BRAF: variants seen among roughly 807,000 people sequenced by gnomAD.
BRAF encodes serine/threonine-protein kinase B-raf.
In BRAF, 16 loss-of-function variants were observed where a neutral mutation model predicts 104.6. That is an observed-to-expected ratio of 0.15 (90% confidence interval 0.10 to 0.23). BRAF has a LOEUF of 0.23. Among genes scored for constraint, BRAF ranks in the 10% least tolerant of loss-of-function variants. BRAF has a pLI of 1.00. For synonymous variants in BRAF, 310 were observed against 341.6 expected, an observed-to-expected ratio of 0.91 and a Z score of 1.02; for missense variants, 541 against 937.3, an observed-to-expected ratio of 0.58 and a Z score of 5.52.
intron 18 of BRAF, among the ~76,000 whole-genome samples, chr7:140,737,877 T>C (rs1258381911): frequency 2.0e-5 from 3 of 152,240 alleles, no homozygotes; most frequent in East Asian, 3.8e-4. Context: ...ACTTCAGTTT[T>C]TGAAACCATG....
chr7:140,838,235 T>C (rs1326939846), intron 2 of BRAF, among the ~76,000 whole-genome samples: 1 of 152,236 alleles, frequency 6.6e-6, no homozygotes, highest in Admixed American at 6.5e-5. Flanking sequence ...ATCCTTTCTC[T>C]TTATCTCCTT....
At chr7:140,916,910 C>G (rs1817691592) in intron 1 of BRAF, among the ~76,000 whole-genome samples, 1 of 152,140 alleles carries the variant, frequency 6.6e-6, no homozygotes, top group South Asian at 2.1e-4. Context: ...ATAAAGCTAT[C>G]ATAACTAAGG....
At chr7:140,873,399 A>G (rs1426978098) in intron 1 of BRAF, among the ~76,000 whole-genome samples, 1 of 151,944 alleles carries the variant, frequency 6.6e-6, no homozygotes, top group Non-Finnish European at 1.5e-5. Flanking sequence ...TGAACTCCAG[A>G]CCTCAGGTGA....
intron 16 of BRAF, among the ~76,000 whole-genome samples, chr7:140,749,877 G>A (rs547794924): frequency 6.6e-6 from 1 of 152,226 alleles, no homozygotes; most frequent in South Asian, 2.1e-4. Flanking sequence ...TCTCATCTGA[G>A]GACACCTTAG....
At chr7:140,769,803 G>A (rs1015245423) in intron 14 of BRAF, among the ~76,000 whole-genome samples, 2 of 152,000 alleles carry the variant, frequency 1.3e-5, no homozygotes, top group South Asian at 2.1e-4. Context: ...TCAAACTCCC[G>A]GCCTCAAGTG....
chr7:140,862,404 A>G (rs1362578745), intron 1 of BRAF, among the ~76,000 whole-genome samples: 1 of 152,198 alleles, frequency 6.6e-6, no homozygotes, highest in African/African-American at 2.4e-5. Context: ...ATGTTTGGGA[A>G]GTTCAAAATA....
intron 17 of BRAF, among the ~76,000 whole-genome samples, chr7:140,746,247 A>C (rs1447792692): frequency 1.3e-5 from 2 of 152,226 alleles, no homozygotes; most frequent in East Asian, 3.8e-4. Flanking sequence ...AAGGAACGAA[A>C]GCCATAAAGG....
At chr7:140,853,376 CA>C (rs1809411275) in intron 1 of BRAF, among the ~76,000 whole-genome samples, 1 of 152,086 alleles carries the variant, frequency 6.6e-6, no homozygotes, top group Non-Finnish European at 1.5e-5. Flanking sequence ...ATCTCAAAAA[CA>C]AAACTATAAC....
At chr7:140,749,198 C>A (rs904122221) in intron 17 of BRAF, 89 bp downstream of exon 16, 2 of 1,558,878 alleles carry the variant, frequency 1.3e-6, no homozygotes, top group South Asian at 1.1e-5. Context: ...CTATCCTTCA[C>A]GCTTACCCAG....
intron 1 of BRAF, among the ~76,000 whole-genome samples, chr7:140,852,557 G>A (rs1325198143): frequency 6.6e-6 from 1 of 152,110 alleles, no homozygotes; most frequent in African/African-American, 2.4e-5. Context: ...GTATTTCAAT[G>A]TTTTCTTTCA....
chr7:140,771,379 A>G (rs1799831958), intron 14 of BRAF, among the ~76,000 whole-genome samples: 1 of 151,302 alleles, frequency 6.6e-6, no homozygotes, highest in South Asian at 2.1e-4. Flanking sequence ...TATTTTTTGT[A>G]GAGACGGGGT....
intron 1 of BRAF, among the ~76,000 whole-genome samples, chr7:140,865,179 A>T (rs1810822349): frequency 6.6e-6 from 1 of 151,900 alleles, no homozygotes; most frequent in Non-Finnish European, 1.5e-5. Context: ...TCCTGGGCTC[A>T]AACGATTCTC....
At chr7:140,912,385 C>G (rs1817085166) in intron 1 of BRAF, among the ~76,000 whole-genome samples, 1 of 152,168 alleles carries the variant, frequency 6.6e-6, no homozygotes, top group South Asian at 2.1e-4. Flanking sequence ...GCTTAATGGC[C>G]TATTATCATA....
intron 5 of BRAF, among the ~76,000 whole-genome samples, chr7:140,803,849 G>A (rs1001357001): frequency 1.3e-5 from 2 of 152,106 alleles, no homozygotes; most frequent in Non-Finnish European, 2.9e-5. Flanking sequence ...ACTTCAGAGT[G>A]GCGAGAGCAT....
intron 13 of BRAF, among the ~76,000 whole-genome samples, 159 bp from the exon 13 acceptor site, chr7:140,777,247 T>C (rs1013658872): frequency 6.6e-6 from 1 of 152,138 alleles, no homozygotes; most frequent in Non-Finnish European, 1.5e-5. Flanking sequence ...AGACTGGCAA[T>C]TGCCAAGTCT....
intron 10 of BRAF, chr7:140,783,429 A>T (rs1801071512): frequency 3.0e-6 from 1 of 335,558 alleles, no homozygotes; most frequent in Admixed American, 4.5e-5. Flanking sequence ...TCTAGGAGAA[A>T]AACAATCTCT....
In BRAF at chr7:140,772,774, A is replaced by C. The variant is rs191758680; in HGVS notation, c.1814+4138T>G. On this transcript the variant is annotated intron_variant, in intron 14 of 19. Coordinates refer to ENST00000644969, the MANE Select transcript of BRAF (RefSeq NM_001374258.1). ...TATTTTATGTAACTTGGTTTGTAAA[A>C]AATTTATCTAAGTGTCCCTTCCGAA... Among the ~76,000 whole-genome samples the C allele has an allele frequency of 3.3e-5, 5 of 152,336 alleles. No individual in the cohort carries two copies. In the East Asian group the frequency reaches 9.6e-4, roughly 29 times the overall value.
intron 14 of BRAF, among the ~76,000 whole-genome samples, chr7:140,771,244 G>A (rs954906414): frequency 2.0e-5 from 3 of 152,088 alleles, no homozygotes; most frequent in Admixed American, 1.3e-4. Flanking sequence ...CATCCAGGGC[G>A]GAGTGTAGTG....
At chr7:140,849,664 T>G (rs1278298074) in intron 2 of BRAF, among the ~76,000 whole-genome samples, 1 of 151,554 alleles carries the variant, frequency 6.6e-6, no homozygotes, top group Non-Finnish European at 1.5e-5. Flanking sequence ...TAGAAAAAAT[T>G]AGGTGGACGT....
Sources: gnomAD v4.1 joint callset for allele counts (sites outside exome capture counted in the v4.1 genomes callset) on GRCh38, gnomAD v4.1.1 for gene constraint, MANE v1.5 for transcripts, NCBI Gene and HGNC (gene_info 2026-07-23, HGNC 2026-07-21) for gene names.